KHDRBS2: variants seen among roughly 807,000 people sequenced by gnomAD.
KHDRBS2 encodes KH RNA binding domain containing, signal transduction associated 2, also known as KH domain-containing, RNA-binding, signal transduction-associated protein 2.
A neutral mutation model predicts 44.3 loss-of-function variants in KHDRBS2; 26 were observed. The ratio of observed to expected loss-of-function variants is 0.59; its 90% CI spans 0.43 to 0.81. The LOEUF (loss-of-function observed/expected upper bound fraction) is 0.81. Ranked by LOEUF, KHDRBS2 falls within the 40% of genes least tolerant of loss-of-function variation. KHDRBS2 has a pLI of 0.00. For synonymous variants in KHDRBS2, 194 were observed against 151.1 expected (o/e 1.28, Z -2.08); for missense variants, 476 against 433.1 (o/e 1.10, Z -0.88).
In KHDRBS2 at chr6:61,798,958, T is replaced by G. The variant is rs1439615194; in HGVS notation, c.811-66194A>C. Among the ~76,000 whole-genome samples, 5 of 151,980 alleles carry G rather than the reference T, an allele frequency of 3.3e-5. No individual in the cohort carries two copies. The East Asian group carries it at 9.6e-4, about 29-fold the overall frequency. On this transcript the variant is annotated intron_variant, in intron 6 of 8. Transcript: ENST00000281156. ...AAAGAACTGATGATGATGACAATGATGAAGACAGCCTTGAATTTTGTAGAT... is the reference window on the plus strand; with the variant it reads ...AAAGAACTGATGATGATGACAATGAGGAAGACAGCCTTGAATTTTGTAGAT...
At chr6:62,251,975 A>G (rs1836612889) in intron 1 of KHDRBS2, among the ~76,000 whole-genome samples, 2 of 151,912 alleles carry the variant, frequency 1.3e-5, no homozygotes, top group Non-Finnish European at 2.9e-5. Context: ...ATAATACCTC[A>G]AAGTGGGGCA....
At chr6:61,944,317 A>C (rs1812760354) in intron 4 of KHDRBS2, among the ~76,000 whole-genome samples, 1 of 152,214 alleles carries the variant, frequency 6.6e-6, no homozygotes, top group Non-Finnish European at 1.5e-5. Context: ...GAATACTATT[A>C]GTCCATATAA....
At chr6:61,641,889 T>C in the KHDRBS2 span, among the ~76,000 whole-genome samples, 3 of 152,220 alleles carry the variant, frequency 2.0e-5, no homozygotes, top group African/African-American at 7.2e-5. Flanking sequence ...TAAATTATTA[T>C]CATTCAATTA....
intron 6 of KHDRBS2, among the ~76,000 whole-genome samples, chr6:61,891,987 T>C (rs923660291): frequency 2.6e-5 from 4 of 152,194 alleles, no homozygotes; most frequent in Non-Finnish European, 4.4e-5. Context: ...GACATGATTG[T>C]ATATCTAGAA....
At chr6:62,274,143 T>A (rs1377439792) in intron 1 of KHDRBS2, among the ~76,000 whole-genome samples, 1 of 151,858 alleles carries the variant, frequency 6.6e-6, no homozygotes, top group East Asian at 1.9e-4. Context: ...ACCATATTGG[T>A]CAGGCTGGTC....
intron 2 of KHDRBS2, among the ~76,000 whole-genome samples, chr6:62,174,686 T>C (rs1012399319): frequency 6.6e-6 from 1 of 151,784 alleles, no homozygotes; most frequent in Admixed American, 6.6e-5. Flanking sequence ...TAGTCATTTA[T>C]TGCTCTTTGA....
chr6:61,670,241 G>A, the KHDRBS2 span, among the ~76,000 whole-genome samples: 30 of 151,214 alleles, frequency 2.0e-4, no homozygotes, highest in African/African-American at 6.8e-4. Context: ...CAAATCCTAA[G>A]ACAATCATTA....
chr6:61,769,797 G>A (rs1484323742), intron 6 of KHDRBS2, among the ~76,000 whole-genome samples: 1 of 152,208 alleles, frequency 6.6e-6, no homozygotes, highest in African/African-American at 2.4e-5. Context: ...AGTAACCTCT[G>A]CAGACTTAAA....
intron 1 of KHDRBS2, among the ~76,000 whole-genome samples, chr6:62,228,639 G>A (rs1263588453): frequency 6.6e-6 from 1 of 151,656 alleles, no homozygotes; most frequent in Non-Finnish European, 1.5e-5. Context: ...GTTGATTTGA[G>A]GTCTTTCTAG....
At chr6:61,861,672 C>G (rs1013590076) in intron 6 of KHDRBS2, among the ~76,000 whole-genome samples, 2 of 134,740 alleles carry the variant, frequency 1.5e-5, no homozygotes, top group African/African-American at 5.4e-5. Context: ...TTTTTTTTTT[C>G]TTAGGATTGC....
intron 3 of KHDRBS2, among the ~76,000 whole-genome samples, chr6:62,046,649 A>G (rs982240567): frequency 2.0e-5 from 3 of 151,978 alleles, no homozygotes; most frequent in South Asian, 2.1e-4. Context: ...CTCCTCTTAT[A>G]TAAAGAAAAT....
chr6:62,260,929 C>CT (rs1838233822), intron 1 of KHDRBS2, among the ~76,000 whole-genome samples: 1 of 151,826 alleles, frequency 6.6e-6, no homozygotes, highest in South Asian at 2.1e-4. Flanking sequence ...GTTAGTGTAG[C>CT]TTTTGTTTCC....
chr6:62,197,573 C>T (rs1300135809), intron 1 of KHDRBS2, among the ~76,000 whole-genome samples: 1 of 152,042 alleles, frequency 6.6e-6, no homozygotes, highest in Admixed American at 6.6e-5. Context: ...TTCCTGAACC[C>T]AGTTTTTCAG....
chr6:62,032,133 T>C (rs1784441668), intron 3 of KHDRBS2, among the ~76,000 whole-genome samples: 1 of 152,042 alleles, frequency 6.6e-6, no homozygotes, highest in African/African-American at 2.4e-5. Flanking sequence ...TCCAAGACCA[T>C]TGTGATGGTT....
intron 2 of KHDRBS2, among the ~76,000 whole-genome samples, chr6:62,090,237 T>C (rs527357280): frequency 6.6e-6 from 1 of 152,296 alleles, no homozygotes; most frequent in South Asian, 2.1e-4. Context: ...ACTAAAGGAA[T>C]TGGTCCTTGA....
chr6:61,680,989 T>C lies in KHDRBS2; in HGVS notation c.1024A>G (p.Arg342Gly), dbSNP rs764718218. ...CAATATCTACCATAGGGGTGTTCCCTGTATCCCCCTCTGGCTGACCTTTGC... is the reference window on the plus strand; with the variant it reads ...CAATATCTACCATAGGGGTGTTCCCCGTATCCCCCTCTGGCTGACCTTTGC... ...PPQRSARGGY[R>G]EHPYGRY Residue 342 changes from arginine to glycine, a missense_variant, in exon 9 of 9, where the codon AGG becomes GGG. Coordinates refer to ENST00000281156, the MANE Select transcript of KHDRBS2 (RefSeq NM_152688.4). The C allele has an allele frequency of 6.2e-7, 1 of 1,610,846 alleles. No homozygotes were observed. The highest frequency in any genetic ancestry group is 2.2e-5 in the East Asian group (1 of 44,750).
intron 2 of KHDRBS2, among the ~76,000 whole-genome samples, chr6:62,082,214 G>A (rs1370882139): frequency 6.6e-6 from 1 of 151,604 alleles, no homozygotes; most frequent in African/African-American, 2.4e-5. Context: ...AGAAAAATTA[G>A]GAAACAAAAT....
chr6:61,795,132 G>A (rs1474426798), intron 6 of KHDRBS2, among the ~76,000 whole-genome samples: 7 of 113,398 alleles, frequency 6.2e-5, no homozygotes, highest in Middle Eastern at 9.1e-3. Flanking sequence ...GCAACAGAGC[G>A]AGACTCCGTC....
intron 2 of KHDRBS2, among the ~76,000 whole-genome samples, chr6:62,110,797 T>C (rs918732648): frequency 1.3e-5 from 2 of 152,084 alleles, no homozygotes; most frequent in African/African-American, 4.8e-5. Context: ...ATCATTATTT[T>C]GGTTGTAGTA....
Sources: allele counts gnomAD v4.1 joint callset (sites outside exome capture counted in the v4.1 genomes callset), GRCh38; gene constraint gnomAD v4.1.1; transcripts MANE v1.5; gene names NCBI Gene and HGNC (gene_info 2026-07-23, HGNC 2026-07-21).